Variants in PTGIS observed in about 807,000 individuals in gnomAD.
The protein encoded by PTGIS is prostaglandin I2 synthase, also known as prostacyclin synthase.
PTGIS carries 45 observed loss-of-function variants against 50.3 expected under a neutral mutation model. The ratio of observed to expected loss-of-function variants is 0.90; its 90% CI spans 0.70 to 1.15. The LOEUF is 1.15. PTGIS is among the 50% of genes most tolerant of loss of function. PTGIS has a pLI of 0.00. For synonymous variants in PTGIS, 260 were observed against 267.7 expected (o/e 0.97, Z 0.28); for missense variants, 668 against 661.3 (o/e 1.01, Z -0.11).
intron 5 of PTGIS, among the ~76,000 whole-genome samples, chr20:49,524,679 T>C (rs1395155258): frequency 4.6e-5 from 7 of 152,174 alleles, no homozygotes; most frequent in Non-Finnish European, 7.4e-5. Context: ...GGAGGCCTCA[T>C]AATCATAGTG....
intron 5 of PTGIS, among the ~76,000 whole-genome samples, chr20:49,538,506 A>G (rs1601193479): frequency 6.6e-6 from 1 of 152,154 alleles, no homozygotes; most frequent in Non-Finnish European, 1.5e-5. Flanking sequence ...GAAAGAAGCC[A>G]GGCATAAAAG....
At chr20:49,546,258 G>C (rs981660991) in intron 3 of PTGIS, among the ~76,000 whole-genome samples, 3 of 152,196 alleles carry the variant, frequency 2.0e-5, no homozygotes, top group African/African-American at 7.2e-5. Flanking sequence ...AACACTGAAG[G>C]AAACTGGGAT....
chr20:49,568,090 G>T lies in PTGIS; in HGVS notation c.27C>A (p.Leu9=). The change falls in exon 1 of 10, where the codon CTC becomes CTA. Residue 9 remains leucine (L), a synonymous_variant. Coordinates refer to ENST00000244043, the MANE Select transcript of PTGIS (RefSeq NM_000961.4). ...GCAGCAGCAGCAACAGTGCGGCCAG[G>T]AGGCCGAGGAGCGCGGCCCAAGCCA... MAWAALLG[L]LAALLLLLLL... 7.2e-7 allele frequency: 1 copy of T among 1,390,136 alleles called. No homozygotes were observed. Among genetic ancestry groups the T allele is most frequent in the Non-Finnish European group, 9.3e-7 (1 of 1,070,272 alleles). The allele number at this position is 1,390,136 out of a possible 1,614,324, so 86.1% of individuals were successfully genotyped here.
chr20:49,552,633 T>C (rs1316060383), intron 1 of PTGIS, among the ~76,000 whole-genome samples: 1 of 152,118 alleles, frequency 6.6e-6, no homozygotes, highest in Non-Finnish European at 1.5e-5. Context: ...TTGCCTAGGG[T>C]AATGAAACAG....
intron 1 of PTGIS, among the ~76,000 whole-genome samples, chr20:49,558,696 CAAG>C (rs1297364707): frequency 6.8e-6 from 1 of 147,824 alleles, no homozygotes; most frequent in Non-Finnish European, 1.5e-5. Flanking sequence ...GCTGCAATCC[CAAG>C]AAGAAGTTAG....
At chr20:49,539,324 G>C (rs769794020) in intron 5 of PTGIS, among the ~76,000 whole-genome samples, 41 of 152,142 alleles carry the variant, frequency 2.7e-4, no homozygotes, top group Admixed American at 4.6e-4. Context: ...CACACACACA[G>C]AGATTCTCCA....
At position 49,511,056 on chromosome 20, in the gene PTGIS, T is replaced by A; in HGVS notation, c.1330A>T (p.Arg444Trp). 6.2e-7 allele frequency: 1 copy of A among 1,613,876 alleles called. No individual in the cohort carries two copies. Among genetic ancestry groups the A allele is most frequent in the Non-Finnish European group, 8.5e-7 (1 of 1,179,986 alleles). Residue 444 changes from arginine to tryptophan, a missense_variant, in exon 9 of 10, where the codon AGG (arginine) becomes TGG (tryptophan). Transcript: ENST00000244043. ...TTGATGCTGTTGACCGCATAACTCC[T>A]CCCCAGGCAGTGATTGTGCCCCGCC... ...WGAGHNHCLGRSYAVNSIKQF... is the reference protein window; with the variant it reads ...WGAGHNHCLGWSYAVNSIKQF...
chr20:49,517,203 A>G (rs540067958), intron 6 of PTGIS, among the ~76,000 whole-genome samples: 43 of 152,378 alleles, frequency 2.8e-4, no homozygotes, highest in Non-Finnish European at 2.9e-5. Flanking sequence ...CTGACACAGC[A>G]AGGTCACCTG....
intron 2 of PTGIS, among the ~76,000 whole-genome samples, chr20:49,548,297 A>C (rs1002847431): frequency 8.5e-5 from 13 of 152,190 alleles, no homozygotes; most frequent in Admixed American, 2.6e-4. Context: ...GGGAATATTG[A>C]GGCTTTTTAA....
chr20:49,552,606 G>C (rs1046732475), intron 1 of PTGIS, among the ~76,000 whole-genome samples: 1 of 126,672 alleles, frequency 7.9e-6, no homozygotes, highest in African/African-American at 3.3e-5. Context: ...CCTTTAGTAT[G>C]CAAGTTTGGC....
At position 49,568,117 on chromosome 20, in the gene PTGIS, C is replaced by CGTGGGGCTG. The variant is rs1555806544; in HGVS notation, c.-2_-1insCAGCCCCAC. On this transcript the variant is annotated 5_prime_UTR_variant, in exon 1 of 10. Transcript: ENST00000244043. ...GGCCGAGGAGCGCGGCCCAAGCCAT[C>CGTGGGGCTG]GCGGGGCTGGCGGGGCTGGCGGGGC... is the stretch of plus-strand genomic sequence containing the variant. The CGTGGGGCTG allele has an allele frequency of 1.8e-5, 14 of 785,670 alleles. No individual in the cohort carries two copies. In the African/African-American group the frequency reaches 3.2e-4, roughly 18 times the overall value. The allele number at this position is 785,670 out of a possible 1,614,324, so 48.7% of individuals were successfully genotyped here.
At position 49,524,171 on chromosome 20, in the gene PTGIS, T is replaced by A. The variant is rs753345283; in HGVS notation, c.742A>T (p.Arg248Trp). 20 of 1,614,062 alleles carry A rather than the reference T, an allele frequency of 1.2e-5. No homozygotes were observed. The highest frequency in any genetic ancestry group is 1.4e-5 in the Non-Finnish European group (17 of 1,180,028). The change falls in exon 6 of 10, where the codon AGG becomes TGG. Residue 248 changes from arginine (R) to tryptophan (W), a missense_variant. Physicochemically the swap from Arg to Trp is moderately radical, Grantham distance 101 (BLOSUM62 -3). Transcript: ENST00000244043. The part of the protein sequence containing the change: ...WKLLSPARLA[R>W]RAHRSKWLES... ...AGCCATTTGCTCCGGTGGGCCCGCCTGGCCAGCCTGGCTGGGGATAGCAGC... is the reference window on the plus strand; with the variant it reads ...AGCCATTTGCTCCGGTGGGCCCGCCAGGCCAGCCTGGCTGGGGATAGCAGC...
intron 9 of PTGIS, among the ~76,000 whole-genome samples, chr20:49,508,362 G>A (rs112125972): frequency 3.1e-4 from 47 of 152,310 alleles, no homozygotes; most frequent in African/African-American, 1.1e-3. Flanking sequence ...TGTCCCTCCT[G>A]CCTGGCAGCC....
intron 5 of PTGIS, among the ~76,000 whole-genome samples, chr20:49,528,888 A>T (rs1981862421): frequency 6.6e-6 from 1 of 152,238 alleles, no homozygotes; most frequent in Admixed American, 6.5e-5. Flanking sequence ...GAAACTAATA[A>T]AACTAATCAA....
chr20:49,556,040 T>A (rs952870262), intron 1 of PTGIS, among the ~76,000 whole-genome samples: 6 of 152,260 alleles, frequency 3.9e-5, no homozygotes, highest in African/African-American at 1.4e-4. Flanking sequence ...CATTTGTTGA[T>A]TCTTTTTGTT....
chr20:49,546,648 C>T (rs920068997), intron 3 of PTGIS, among the ~76,000 whole-genome samples: 16 of 152,184 alleles, frequency 1.1e-4, no homozygotes, highest in African/African-American at 3.9e-4. Flanking sequence ...GTTCAAATCC[C>T]AGTCCTGCCA....
intron 6 of PTGIS, among the ~76,000 whole-genome samples, chr20:49,517,324 C>G (rs1013351139): frequency 6.6e-6 from 1 of 152,190 alleles, no homozygotes; most frequent in Non-Finnish European, 1.5e-5. Context: ...TGGGGGCCAC[C>G]GCTCATTAAT....
intron 3 of PTGIS, among the ~76,000 whole-genome samples, chr20:49,544,942 A>G (rs1453861978): frequency 1.3e-5 from 2 of 152,204 alleles, no homozygotes; most frequent in Non-Finnish European, 2.9e-5. Context: ...ATCTGTTGGA[A>G]TAGCTGTGGT....
chr20:49,540,223 G>A lies in PTGIS; in HGVS notation c.522-502C>T, dbSNP rs1223656510. 6.6e-6 allele frequency among the ~76,000 whole-genome samples: 1 copy of A among 152,156 alleles called. No homozygotes were observed. The highest frequency in any genetic ancestry group is 1.5e-5 in the Non-Finnish European group (1 of 68,018). Reference sequence around the variant, plus strand: ...ATGAGGCTGCAGCAGAGAGCTCGAGGGGACGGTGCTGAGATGGGGGCACAG... The same window carrying A: ...ATGAGGCTGCAGCAGAGAGCTCGAGAGGACGGTGCTGAGATGGGGGCACAG... On this transcript the variant is annotated intron_variant, in intron 4 of 9. Transcript: ENST00000244043. The surrounding 1 kb of genome is among the most constrained non-coding windows in gnomAD (Gnocchi z 4.8).
Sources: allele counts gnomAD v4.1 joint callset (sites outside exome capture counted in the v4.1 genomes callset), GRCh38; gene constraint gnomAD v4.1.1; non-coding constraint Gnocchi (gnomAD v3.1); transcripts MANE v1.5; gene names NCBI Gene and HGNC (gene_info 2026-07-23, HGNC 2026-07-21).